USP36: variants seen among roughly 807,000 people sequenced by gnomAD.
USP36 encodes ubiquitin carboxyl-terminal hydrolase 36.
A neutral mutation model predicts 111.5 loss-of-function variants in USP36; 59 were observed. The observed-to-expected ratio is 0.53, with a 90% CI of 0.43 to 0.66. USP36 has a LOEUF of 0.66. Among genes scored for constraint, USP36 ranks in the 30% least tolerant of loss-of-function variants. USP36 has a pLI of 0.00. For missense variants in USP36, 1,488 were observed against 1,468.0 expected (o/e 1.01, Z -0.22); for synonymous variants, 628 against 581.0 (o/e 1.08, Z -1.16).
At chr17:78,813,993 T>G in intron 11 of USP36, 120 bp from the exon 12 acceptor site, 1 of 819,304 alleles carries the variant, frequency 1.2e-6, no homozygotes. Context: ...CTATTAATAA[T>G]CAACAGGTAA....
At chr17:78,812,185 T>C (rs1253473862) in intron 13 of USP36, among the ~76,000 whole-genome samples, 1 of 151,266 alleles carries the variant, frequency 6.6e-6, no homozygotes, top group African/African-American at 2.4e-5. Context: ...AGACCCTGTC[T>C]CCAAAAAAAA....
Position 78,807,201 on chromosome 17 carries a change from G to A in USP36, c.1843C>T (p.Pro615Ser), listed in dbSNP as rs1345163941. The change falls in exon 14 of 21, where the codon CCA becomes TCA. Residue 615 changes from proline (P) to serine (S), a missense_variant. By Grantham distance (74) the Pro-to-Ser change is moderately conservative (BLOSUM62 -1). Coordinates refer to ENST00000449938, the MANE Select transcript of USP36 (RefSeq NM_001385174.1). ...LDRRGSSSSSPEHSASSDSTK... is the reference protein window; with the variant it reads ...LDRRGSSSSSSEHSASSDSTK... ...GAGTCGCTGCTGGCCGAGTGCTCTG[G>A]GCTGGAGCTGCTGGAGCCCCTCCTG... The A allele has an allele frequency of 6.2e-7, 1 of 1,614,112 alleles. No homozygotes were observed. The highest frequency in any genetic ancestry group is 8.5e-7 in the Non-Finnish European group (1 of 1,180,004).
rs2093671133 is a variant in USP36, at chr17:78,798,660, C to A, written c.3241-109G>T. 3 of 1,516,280 alleles carry A rather than the reference C, an allele frequency of 2.0e-6. No homozygotes were observed. The highest frequency in any genetic ancestry group is 1.8e-5 in the Admixed American group (1 of 54,906). The allele number at this position is 1,516,280 out of a possible 1,614,324, so 93.9% of individuals were successfully genotyped here. ...CACACAGGCCGGGCTCTCATGAGCT[C>A]TCTGGAGACCCACTCTTCACAATGA... On this transcript the variant is annotated intron_variant, in intron 19 of 20. Coordinates refer to ENST00000449938, the MANE Select transcript of USP36 (RefSeq NM_001385174.1). The surrounding 1 kb of genome is among the most constrained non-coding windows in gnomAD (Gnocchi z 5.1).
At chr17:78,829,633 T>C (rs2067894921) in intron 4 of USP36, among the ~76,000 whole-genome samples, 1 of 152,148 alleles carries the variant, frequency 6.6e-6, no homozygotes, top group Admixed American at 6.5e-5. Context: ...ATATGAACAA[T>C]GGGGTATGAA....
At chr17:78,841,073 CT>C (rs1414039618), upstream of USP36, 1 of 152,228 alleles carries the variant, frequency 6.6e-6, no homozygotes, top group Non-Finnish European at 1.5e-5. Context: ...AGGGTGACGT[CT>C]CCGCAGCGCA....
chr17:78,812,925 C>T lies in USP36; in HGVS notation c.1342G>A (p.Val448Met), dbSNP rs1349856435. The T allele has an allele frequency of 1.2e-6, 2 of 1,613,936 alleles. No individual in the cohort carries two copies. Among genetic ancestry groups the T allele is most frequent in the Admixed American group, 1.7e-5 (1 of 59,984 alleles). Residue 448 changes from valine to methionine, a missense_variant, in exon 13 of 21, where the codon GTG becomes ATG. By Grantham distance (21) the Val-to-Met change is conservative. Transcript: ENST00000449938. ...GSSSLPGRPS[V>M]IPDHSKKNIG... is the part of the protein sequence containing the mutation. ...TTCTTCTTGGAGTGATCTGGAATCA[C>T]ACTCGGGCGGCCGGGAAGGGAGGAG... is the stretch of plus-strand genomic sequence containing the variant.
At chr17:78,810,940 C>G (rs1339276119) in intron 13 of USP36, among the ~76,000 whole-genome samples, 1 of 151,868 alleles carries the variant, frequency 6.6e-6, no homozygotes, top group African/African-American at 2.4e-5. Context: ...ATGGTGAAAC[C>G]CCATCTCTAC....
intron 13 of USP36, among the ~76,000 whole-genome samples, 163 bp downstream of exon 13, chr17:78,812,697 G>GAA (rs572009070): frequency 3.2e-4 from 17 of 52,620 alleles, no homozygotes; most frequent in East Asian, 1.1e-3. Flanking sequence ...ACTCTGTCTC[G>GAA]AAAAAAAAAA....
At chr17:78,799,860 A>C in intron 17 of USP36, 92 bp from the exon 18 acceptor site, 1 of 561,732 alleles carries the variant, frequency 1.8e-6, no homozygotes, top group Non-Finnish European at 2.9e-6. Context: ...AACAACTTAC[A>C]GTAAGTGGAT....
At chr17:78,825,867 C>G (rs1469458026) in intron 6 of USP36, among the ~76,000 whole-genome samples, 2 of 152,170 alleles carry the variant, frequency 1.3e-5, no homozygotes, top group African/African-American at 4.8e-5. Flanking sequence ...TGCAGGCCCT[C>G]GGGGGTCACT....
At chr17:78,789,127 G>A (rs1718796494) in intron 3 of USP36, among the ~76,000 whole-genome samples, 1 of 149,126 alleles carries the variant, frequency 6.7e-6, no homozygotes. Flanking sequence ...AACCTGGGAG[G>A]CAGAGGTTGC....
Position 78,807,186 on chromosome 17 carries a change from T to C in USP36, c.1858A>G (p.Ser620Gly), listed in dbSNP as rs144381842. The C allele has an allele frequency of 2.5e-6, 4 of 1,614,178 alleles. No homozygotes were observed. The highest frequency in any genetic ancestry group is 3.4e-6 in the Non-Finnish European group (4 of 1,180,008). ...TGGGGGGCCTTGGTGGAGTCGCTGC[T>C]GGCCGAGTGCTCTGGGCTGGAGCTG... is the stretch of plus-strand genomic sequence containing the variant. ...SSSSSPEHSA[S>G]SDSTKAPQTP... Residue 620 changes from serine (S) to glycine (G), a missense_variant, in exon 14 of 21, where the codon AGC becomes GGC. Transcript: ENST00000449938.
chr17:78,836,130 G>T lies in USP36; in HGVS notation c.234C>A (p.Asp78Glu). Residue 78 changes from aspartate (D) to glutamate (E), a missense_variant, in exon 3 of 21, where the codon GAC becomes GAA. Coordinates refer to ENST00000449938, the MANE Select transcript of USP36 (RefSeq NM_001385174.1). ...EGASRHKSGD[D>E]PPARRQGSEH... ...CTGTACCCTGTCTCCTGGCCGGTGG[G>T]TCATCTCCACTCTTGTGGCGACTAG... 6.2e-7 allele frequency: 1 copy of T among 1,613,592 alleles called. No homozygotes were observed. The highest frequency in any genetic ancestry group is 8.5e-7 in the Non-Finnish European group (1 of 1,180,040).
chr17:78,814,257 TTC>T (rs2094131610), intron 11 of USP36, among the ~76,000 whole-genome samples, 153 bp downstream of exon 11: 1 of 152,168 alleles, frequency 6.6e-6, no homozygotes, highest in Admixed American at 6.5e-5. Flanking sequence ...AGGGCATCTT[TTC>T]ACTCCACGCA....
intron 12 of USP36, 128 bp downstream of exon 12, chr17:78,813,645 T>C: frequency 1.2e-6 from 1 of 804,814 alleles, no homozygotes. Context: ...ACGGTCTCTA[T>C]GACACATGAC....
chr17:78,827,154 G>A (rs980733481), intron 6 of USP36, 91 bp downstream of exon 6: 1 of 1,420,304 alleles, frequency 7.0e-7, no homozygotes, highest in South Asian at 1.2e-5. Flanking sequence ...GTAGAAAGGT[G>A]CCGGGCTGGC....
chr17:78,792,065 T>A (rs956010887), downstream of USP36: 1 of 151,742 alleles, frequency 6.6e-6, no homozygotes, highest in Non-Finnish European at 1.5e-5. Context: ...GGTGCGGAGG[T>A]CAACAGTGTC....
chr17:78,828,822 T>C (rs962133840), intron 5 of USP36, 75 bp downstream of exon 5: 83 of 1,430,538 alleles, frequency 5.8e-5, no homozygotes, highest in South Asian at 1.2e-4. Flanking sequence ...CTGGGCAACA[T>C]AGCGAGAACC....
In USP36 at chr17:78,790,485, G is replaced by T. The variant is rs192178000; in HGVS notation, c.*21-2827C>A. On this transcript the variant is annotated intron_variant, in intron 3 of 3. Coordinates refer to the USP36 transcript ENST00000588130. ...TTTTTTTATTTTTAGTAGAGACAGG[G>T]TTTCACTATGTTAGCCAGGCTGGTT... Among the ~76,000 whole-genome samples, 7 of 152,150 alleles carry T rather than the reference G, an allele frequency of 4.6e-5. No homozygotes were observed. In the East Asian group the frequency reaches 1.2e-3, roughly 25 times the overall value.
Sources: allele counts gnomAD v4.1 joint callset (sites outside exome capture counted in the v4.1 genomes callset), GRCh38; gene constraint gnomAD v4.1.1; non-coding constraint Gnocchi (gnomAD v3.1); transcripts MANE v1.5; gene names NCBI Gene and HGNC (gene_info 2026-07-23, HGNC 2026-07-21).